The following AIMP1 variants were observed in gnomAD, a reference collection of about 807,000 sequenced individuals.
AIMP1 encodes aminoacyl tRNA synthase complex-interacting multifunctional protein 1.
Under a neutral mutation model 33.1 loss-of-function variants are expected in AIMP1, and 24 were observed. The observed-to-expected ratio is 0.73, with a 90% confidence interval of 0.53 to 1.02. AIMP1 has a LOEUF of 1.02. AIMP1 is among the 50% of genes least tolerant of loss of function. The pLI is 0.00. For missense variants in AIMP1, 367 were observed against 364.8 expected, an observed-to-expected ratio of 1.01 and a Z score of -0.05; for synonymous variants, 120 against 121.5, an observed-to-expected ratio of 0.99 and a Z score of 0.08.
At chr4:106,321,905 C>T (rs950781930) in intron 1 of AIMP1, among the ~76,000 whole-genome samples, 13 of 152,136 alleles carry the variant, frequency 8.5e-5, no homozygotes, top group Admixed American at 2.0e-4. Flanking sequence ...CCCCCAACCC[C>T]GTGCTCTCTG....
chr4:106,326,304 T>C (rs1490193290), intron 2 of AIMP1, among the ~76,000 whole-genome samples: 1 of 152,214 alleles, frequency 6.6e-6, no homozygotes, highest in African/African-American at 2.4e-5. Context: ...CTTATACAAA[T>C]TTATGATAGG....
At chr4:106,327,175 A>T (rs2125921802) in intron 2 of AIMP1, among the ~76,000 whole-genome samples, 1 of 152,346 alleles carries the variant, frequency 6.6e-6, no homozygotes, top group South Asian at 2.1e-4. Context: ...ATTTGATCTT[A>T]GTTAGCATCT....
rs547838726 is a variant in AIMP1 at position 106,337,327 on chromosome 4, G to A, written c.772+290G>A. ...ATTGTAGTTCCCATAATCCCTACAT[G>A]TCATGGGAGGGACCCGGTGGGAGGT... On this transcript the variant is annotated intron_variant, in intron 6 of 6. Transcript: ENST00000672341. 2.0e-5 allele frequency among the ~76,000 whole-genome samples: 3 copies of A among 152,264 alleles called. No homozygotes were observed. In the East Asian group the frequency reaches 5.8e-4, roughly 29 times the overall value.
At position 106,348,504 on chromosome 4, in the gene AIMP1, T is replaced by C. The variant is rs1316549632; in HGVS notation, c.*812T>C. On this transcript the variant is annotated 3_prime_UTR_variant, in exon 7 of 7. Transcript: ENST00000672341. ...TAATTTATATCTTATTACAGACTGA[T>C]ATTTTGCTTTTTCATGTGTCATCAT... is the stretch of plus-strand genomic sequence containing the variant. 2.0e-5 allele frequency: 3 copies of C among 152,124 alleles called. No homozygotes were observed. The highest frequency in any genetic ancestry group is 1.5e-5 in the Non-Finnish European group (1 of 68,006). The allele number at this position is 152,124 out of a possible 1,614,324, so 9.4% of individuals were successfully genotyped here.
intron 6 of AIMP1, among the ~76,000 whole-genome samples, chr4:106,342,236 A>G (rs184427417): frequency 6.6e-6 from 1 of 152,302 alleles, no homozygotes; most frequent in African/African-American, 2.4e-5. Context: ...ATCAGTGAAG[A>G]CAGATAATTT....
Position 106,347,674 on chromosome 4 carries a change from C to T in AIMP1, c.921C>T (p.Ser307=). Residue 307 remains serine, a synonymous_variant, in exon 7 of 7, where the codon AGC becomes AGT. Coordinates refer to ENST00000672341, the MANE Select transcript of AIMP1 (RefSeq NM_001142416.2). Reference sequence around the variant, plus strand: ...GAGTATGTAGGGCTCAAACCATGAGCAACAGTGGAATCAAATAAAATGCTT... The same window carrying T: ...GAGTATGTAGGGCTCAAACCATGAGTAACAGTGGAATCAAATAAAATGCTT... ...GKGVCRAQTM[S]NSGIK 6.2e-7 allele frequency: 1 copy of T among 1,612,852 alleles called. No individual in the cohort carries two copies. The highest frequency in any genetic ancestry group is 8.5e-7 in the Non-Finnish European group (1 of 1,179,422).
chr4:106,345,084 C>T (rs754581584), intron 6 of AIMP1, among the ~76,000 whole-genome samples: 26 of 152,068 alleles, frequency 1.7e-4, no homozygotes, highest in African/African-American at 4.6e-4. Context: ...GCACTATATA[C>T]GTGTTGTGTG....
intron 3 of AIMP1, 46 bp downstream of exon 3, chr4:106,327,610 G>T (rs760806350): frequency 2.1e-6 from 3 of 1,407,158 alleles, no homozygotes; most frequent in Non-Finnish European, 3.0e-6. Context: ...TTAAGAAGTT[G>T]GCCAGTCACA....
chr4:106,340,497 G>A (rs6858391), intron 6 of AIMP1, among the ~76,000 whole-genome samples: 22,729 of 152,014 alleles, frequency 0.15, 1,828 homozygotes, highest in South Asian at 0.25. Context: ...CTGTGTATAC[G>A]CAATGTTTAG....
intron 1 of AIMP1, 101 bp from the exon 2 acceptor site, chr4:106,324,884 A>G (rs1769400854): frequency 3.3e-6 from 3 of 917,634 alleles, no homozygotes; most frequent in Non-Finnish European, 4.6e-6. Flanking sequence ...TATCTATTAC[A>G]GTAGAAAATG....
chr4:106,325,116 CAAGT>C lies in AIMP1; in HGVS notation c.109+2_109+5del. 1 of 1,609,610 alleles carries C rather than the reference CAAGT, an allele frequency of 6.2e-7. No individual in the cohort carries two copies. The highest frequency in any genetic ancestry group is 8.5e-7 in the Non-Finnish European group (1 of 1,177,522). On this transcript the variant is annotated splice_donor_variant and coding_sequence_variant, in exon 2 of 7. Transcript: ENST00000672341. LOFTEE classifies it high-confidence loss of function. Reference sequence around the variant, plus strand: ...CAAGTTTCTCTACTTAAGGAGAAAGCAAGTAAGAAAATTTAAAATTTTTTGAGGA... The same window carrying C: ...CAAGTTTCTCTACTTAAGGAGAAAGCAAGAAAATTTAAAATTTTTTGAGGA...
chr4:106,342,789 T>C (rs1770145900), intron 6 of AIMP1, among the ~76,000 whole-genome samples: 1 of 152,180 alleles, frequency 6.6e-6, no homozygotes, highest in Admixed American at 6.5e-5. Context: ...AGGCTGATGC[T>C]GGCTTCACAA....
intron 1 of AIMP1, 95 bp downstream of exon 1, chr4:106,316,689 G>A: frequency 7.9e-7 from 1 of 1,258,332 alleles, no homozygotes; most frequent in South Asian, 1.4e-5. Flanking sequence ...GAGAGGACCT[G>A]GCCTGCGCTG....
At chr4:106,317,713 A>G (rs551367282) in intron 1 of AIMP1, among the ~76,000 whole-genome samples, 1 of 152,340 alleles carries the variant, frequency 6.6e-6, no homozygotes, top group East Asian at 1.9e-4. Context: ...TCAGAGTGGC[A>G]AACACAAGTT....
chr4:106,331,928 T>G, intron 5 of AIMP1, 45 bp downstream of exon 5: 1 of 1,510,344 alleles, frequency 6.6e-7, no homozygotes, highest in Non-Finnish European at 9.2e-7. Context: ...TACAACATTT[T>G]CATTCCCTCC....
intron 4 of AIMP1, among the ~76,000 whole-genome samples, chr4:106,330,656 T>G (rs953361471): frequency 6.6e-6 from 1 of 152,218 alleles, no homozygotes; most frequent in Non-Finnish European, 1.5e-5. Context: ...ATGTCTGTCT[T>G]CTTTAAAAGA....
At chr4:106,322,608 T>C (rs1769305142) in intron 1 of AIMP1, among the ~76,000 whole-genome samples, 1 of 152,210 alleles carries the variant, frequency 6.6e-6, no homozygotes, top group Admixed American at 6.5e-5. Context: ...TGAAATATTT[T>C]TAGATTTCAC....
At chr4:106,332,652 C>T (rs1345818945) in intron 5 of AIMP1, among the ~76,000 whole-genome samples, 5 of 146,086 alleles carry the variant, frequency 3.4e-5, no homozygotes, top group Non-Finnish European at 7.5e-5. Flanking sequence ...TAAGTTGGTT[C>T]ACTTTTTTAT....
intron 6 of AIMP1, among the ~76,000 whole-genome samples, chr4:106,342,460 T>C (rs2125928537): frequency 6.6e-6 from 1 of 152,326 alleles, no homozygotes; most frequent in Middle Eastern, 3.4e-3. Flanking sequence ...GTGTGTTCCT[T>C]TGATGCCTAG....
Sources: allele counts gnomAD v4.1 joint callset (sites outside exome capture counted in the v4.1 genomes callset), GRCh38; gene constraint gnomAD v4.1.1; transcripts MANE v1.5; gene names NCBI Gene and HGNC (gene_info 2026-07-23, HGNC 2026-07-21).